CENPP: variants seen among roughly 807,000 people sequenced by gnomAD.
CENPP encodes centromere protein P.
CENPP carries 24 observed loss-of-function variants against 35.6 expected under a neutral mutation model. The observed-to-expected ratio is 0.67, with a 90% confidence interval of 0.49 to 0.95. The LOEUF (loss-of-function observed/expected upper bound fraction) is 0.95, where lower values mean the gene tolerates loss of function less well. CENPP is among the 40% of genes least tolerant of loss of function. The probability of loss-of-function intolerance (pLI) is 0.00; values close to 1 mark genes in which losing one functional copy is unlikely to be tolerated. For missense variants in CENPP, 332 were observed against 345.3 expected (o/e 0.96, Z 0.31); for synonymous variants, 120 against 125.5 (o/e 0.96, Z 0.29).
chr9:92,369,579 C>G (rs1250573272), intron 4 of CENPP, among the ~76,000 whole-genome samples: 1 of 152,128 alleles, frequency 6.6e-6, no homozygotes, highest in African/African-American at 2.4e-5. Context: ...ACAATATGGT[C>G]ATTTTAACAG....
intron 5 of CENPP, among the ~76,000 whole-genome samples, chr9:92,592,519 G>A (rs945943092): frequency 1.3e-5 from 2 of 152,114 alleles, no homozygotes; most frequent in Admixed American, 6.5e-5. Flanking sequence ...TCCATTGTGT[G>A]GATATACAAC....
chr9:92,553,697 C>A (rs942292030), intron 5 of CENPP, among the ~76,000 whole-genome samples: 7 of 152,040 alleles, frequency 4.6e-5, no homozygotes, highest in Non-Finnish European at 7.4e-5. Context: ...GGATTGAGTT[C>A]TTGATTTAAT....
chr9:92,349,777 A>G (rs1841398287), intron 4 of CENPP, among the ~76,000 whole-genome samples: 1 of 152,168 alleles, frequency 6.6e-6, no homozygotes, highest in Non-Finnish European at 1.5e-5. Flanking sequence ...ATGTATACAC[A>G]CACATACACA....
intron 5 of CENPP, among the ~76,000 whole-genome samples, chr9:92,515,512 T>C (rs921670634): frequency 1.3e-5 from 2 of 152,216 alleles, no homozygotes; most frequent in African/African-American, 4.8e-5. Context: ...TATTGCCACA[T>C]GAGGCAAAAT....
chr9:92,326,137 G>A, intron 1 of CENPP, 32 bp downstream of exon 1: 5 of 1,407,348 alleles, frequency 3.6e-6, no homozygotes, highest in Non-Finnish European at 4.8e-6. Context: ...CCCAGGGCCC[G>A]CTGGCCAGGG....
intron 5 of CENPP, among the ~76,000 whole-genome samples, chr9:92,446,779 C>A (rs1372911449): frequency 7.0e-5 from 10 of 143,784 alleles, no homozygotes; most frequent in African/African-American, 1.8e-4. Flanking sequence ...AAAGAACAGA[C>A]CAAGCTGGGC....
rs1405333134 is a variant in CENPP at position 92,613,052 on chromosome 9, C to G, written c.770C>G (p.Thr257Ser). 1 of 1,614,178 alleles carries G rather than the reference C, an allele frequency of 6.2e-7. No homozygotes were observed. Among genetic ancestry groups the G allele is most frequent in the South Asian group, 1.1e-5 (1 of 91,080 alleles). ...CTGGACAAGAACAGAGCCATAGAAA[C>G]TGCTCCTCTCAGCTTCCGAACCCTG... ...LELDKNRAIE[T>S]APLSFRTLVG... Residue 257 changes from threonine to serine, a missense_variant, in exon 8 of 8, where the codon ACT (threonine) becomes AGT (serine). Thr to Ser is a moderately conservative substitution (Grantham distance 58). Coordinates refer to ENST00000375587, the MANE Select transcript of CENPP (RefSeq NM_001012267.3).
At position 92,611,223 on chromosome 9, in the gene CENPP, G is replaced by A. The variant is rs543238037; in HGVS notation, c.565-91G>A. ...CGCAAACACTCGGACCCTGATTTTC[G>A]CCAGACACCTGGAACGGTGCCCCGT... is the stretch of plus-strand genomic sequence containing the variant. On this transcript the variant is annotated intron_variant, in intron 5 of 7. Transcript: ENST00000375587. 1.7e-5 allele frequency: 18 copies of A among 1,055,546 alleles called. No individual in the cohort carries two copies. The Middle Eastern group carries it at 8.7e-4, about 51-fold the overall frequency. 65.4% of individuals were successfully genotyped at this position (1,055,546 alleles called of 1,614,324 possible).
upstream of CENPP, chr9:92,325,906 G>T (rs1840453911): frequency 3.6e-6 from 4 of 1,098,228 alleles, no homozygotes; most frequent in Non-Finnish European, 5.3e-6. Flanking sequence ...GATGGTCCGC[G>T]CCGGGAGCGC....
At chr9:92,607,226 A>G (rs996703658) in intron 5 of CENPP, among the ~76,000 whole-genome samples, 3 of 152,184 alleles carry the variant, frequency 2.0e-5, no homozygotes, top group Non-Finnish European at 4.4e-5. Context: ...TGAATATCCA[A>G]TTGGCCCAGT....
At chr9:92,522,462 A>T in intron 5 of CENPP, 2 of 1,150,110 alleles carry the variant, frequency 1.7e-6, no homozygotes, top group Non-Finnish European at 2.3e-6. Context: ...ATTTTTCTTT[A>T]GAAAATTATC....
chr9:92,539,213 T>C (rs1849258317), intron 5 of CENPP: 1 of 152,136 alleles, frequency 6.6e-6, no homozygotes, highest in African/African-American at 2.4e-5. Context: ...AATGGCTGAG[T>C]AAAGCATTAG....
chr9:92,563,966 A>C (rs534615498), intron 5 of CENPP, among the ~76,000 whole-genome samples: 2 of 152,206 alleles, frequency 1.3e-5, no homozygotes, highest in East Asian at 3.9e-4. Context: ...GGGGGGAATT[A>C]TTTCTTTGTG....
chr9:92,332,811 C>CA lies in CENPP; in HGVS notation c.289+471dup, dbSNP rs778394301. 2.2e-3 allele frequency among the ~76,000 whole-genome samples: 289 copies of CA among 129,598 alleles called. 1 individual carries two copies. Among genetic ancestry groups the CA allele is most frequent in the South Asian group, 3.4e-3 (14 of 4,080 alleles). 85.0% of individuals were successfully genotyped at this position (129,598 alleles called of 152,430 possible). ...GGACAGAGCAAGACTCCATTTAAAACAAAAAAAAAAAGGGCTGCCTGAGAT... is the reference window on the plus strand; with the variant it reads ...GGACAGAGCAAGACTCCATTTAAAACAAAAAAAAAAAAGGGCTGCCTGAGAT... On this transcript the variant is annotated intron_variant, in intron 2 of 7. Coordinates refer to ENST00000375587, the MANE Select transcript of CENPP (RefSeq NM_001012267.3).
chr9:92,374,157 T>G (rs1842072337), intron 4 of CENPP, among the ~76,000 whole-genome samples: 1 of 151,430 alleles, frequency 6.6e-6, no homozygotes, highest in East Asian at 1.9e-4. Flanking sequence ...TGCCAATCTC[T>G]GCCATTTGAT....
intron 5 of CENPP, chr9:92,474,820 C>T: frequency 6.2e-7 from 1 of 1,613,920 alleles, no homozygotes; most frequent in Non-Finnish European, 8.5e-7. Context: ...TCATATTCTT[C>T]AGTGCGATGT....
At chr9:92,473,966 C>G (rs1845617953) in intron 5 of CENPP, among the ~76,000 whole-genome samples, 1 of 152,224 alleles carries the variant, frequency 6.6e-6, no homozygotes, top group Non-Finnish European at 1.5e-5. Flanking sequence ...TGGGGCCAGT[C>G]TCAGCTGTCC....
intron 3 of CENPP, among the ~76,000 whole-genome samples, 192 bp from the exon 4 acceptor site, chr9:92,345,507 A>AG (rs71362378): frequency 6.6e-6 from 1 of 151,076 alleles, no homozygotes; most frequent in East Asian, 1.9e-4. Context: ...AAAAAAAAAA[A>AG]GGCATCTTAC....
At position 92,415,564 on chromosome 9, in the gene CENPP, T is replaced by A. The variant is rs976771626; in HGVS notation, c.564+35705T>A. On this transcript the variant is annotated intron_variant, in intron 5 of 7. Transcript: ENST00000375587. The stretch of plus-strand genomic sequence containing the variant: ...ATTCTATGTTAGATTTTATATTGTA[T>A]GGGATATAATTCTGTTAATTAAAAT... 5.0e-6 allele frequency: 3 copies of A among 594,148 alleles called. 1 individual carries two copies. The South Asian group carries it at 1.5e-4, about 30-fold the overall frequency. 36.8% of individuals were successfully genotyped at this position (594,148 alleles called of 1,614,324 possible). A position where few individuals can be genotyped will look rare whatever the true frequency, so the allele number is the denominator to read the frequency against.
Sources: allele counts gnomAD v4.1 joint callset (sites outside exome capture counted in the v4.1 genomes callset), GRCh38; gene constraint gnomAD v4.1.1; transcripts MANE v1.5; gene names NCBI Gene and HGNC (gene_info 2026-07-23, HGNC 2026-07-21).